The following SLC4A7 variants were observed in gnomAD, a reference collection of about 807,000 sequenced individuals.
SLC4A7 encodes the protein sodium bicarbonate cotransporter 3.
Under a neutral mutation model 137.6 loss-of-function variants are expected in SLC4A7, and 51 were observed. The observed-to-expected ratio is 0.37, with a 90% confidence interval of 0.30 to 0.47. SLC4A7 has a LOEUF of 0.47. Among genes scored for constraint, SLC4A7 ranks in the 20% least tolerant of loss-of-function variants. The pLI, the probability that SLC4A7 is intolerant of heterozygous loss-of-function variation, is 1.00. For synonymous variants in SLC4A7, 542 were observed against 518.6 expected, an observed-to-expected ratio of 1.05 and a Z score of -0.61; for missense variants, 1,247 against 1,525.4, an observed-to-expected ratio of 0.82 and a Z score of 3.04.
intron 1 of SLC4A7, among the ~76,000 whole-genome samples, chr3:27,479,008 G>GGAAAA (rs2059595499): frequency 6.9e-6 from 1 of 145,672 alleles, no homozygotes; most frequent in African/African-American, 2.6e-5. Context: ...CCTGTCTCAG[G>GGAAAA]AAAAAAAAAA....
At chr3:27,387,844 T>TC (rs1240078170) in intron 22 of SLC4A7, among the ~76,000 whole-genome samples, 3 of 152,106 alleles carry the variant, frequency 2.0e-5, no homozygotes, top group Non-Finnish European at 1.5e-5. Context: ...AAGGCAGGAT[T>TC]CCCCGCTGGA....
chr3:27,469,088 CAGAG>C (rs2059129112), intron 1 of SLC4A7, among the ~76,000 whole-genome samples: 2 of 151,330 alleles, frequency 1.3e-5, no homozygotes, highest in Non-Finnish European at 2.9e-5. Context: ...GCCTGGGCGA[CAGAG>C]GGAGACTGCG....
In SLC4A7 at chr3:27,383,196, C is replaced by T. The variant is rs758567416; in HGVS notation, c.3547G>A (p.Gly1183Arg). 6.2e-7 allele frequency: 1 copy of T among 1,613,396 alleles called. No individual in the cohort carries two copies. Among genetic ancestry groups the T allele is most frequent in the Admixed American group, 1.7e-5 (1 of 59,990 alleles). The change falls in exon 24 of 26, where the codon GGG becomes AGG. Residue 1183 changes from glycine to arginine, a missense_variant. By Grantham distance (125) the Gly-to-Arg change is moderately radical. Coordinates refer to ENST00000454389, the MANE Select transcript of SLC4A7 (RefSeq NM_001321103.2). ...DDDTVHLPFE[G>R]GSLLQIPVKA... ...ACTGGAATTTGCAAGAGACTTCCCC[C>T]TTCAAATGGAAGGTGCACAGTATCA... is the stretch of plus-strand genomic sequence containing the variant.
rs142590383 is a variant in SLC4A7, at chr3:27,423,991, C to G, written c.1266+46G>C. The G allele has an allele frequency of 4.0e-5, 45 of 1,131,818 alleles. No individual in the cohort carries two copies. In the East Asian group the frequency reaches 1.1e-3, roughly 27 times the overall value. 70.1% of individuals were successfully genotyped at this position (1,131,818 alleles called of 1,614,324 possible). A position where few individuals can be genotyped will look rare whatever the true frequency, so the allele number is the denominator to read the frequency against. Reference sequence around the variant, plus strand: ...TTAGCCACAAATTACTACTTATTTCCTCAGTAAGAATAATTATGAGAATTT... The same window carrying G: ...TTAGCCACAAATTACTACTTATTTCGTCAGTAAGAATAATTATGAGAATTT... On this transcript the variant is annotated intron_variant, in intron 8 of 25. Transcript: ENST00000454389.
intron 13 of SLC4A7, among the ~76,000 whole-genome samples, chr3:27,408,166 G>T (rs966774464): frequency 6.6e-6 from 1 of 152,096 alleles, no homozygotes; most frequent in Non-Finnish European, 1.5e-5. Context: ...GAATCCTTGA[G>T]GACAGGAGAT....
chr3:27,469,663 G>A (rs767749882), intron 1 of SLC4A7, among the ~76,000 whole-genome samples: 3 of 152,116 alleles, frequency 2.0e-5, no homozygotes, highest in Non-Finnish European at 4.4e-5. Flanking sequence ...TGAGGCAGGA[G>A]AATCACTTGA....
chr3:27,439,504 T>C (rs982449304), intron 3 of SLC4A7, among the ~76,000 whole-genome samples: 1 of 152,202 alleles, frequency 6.6e-6, no homozygotes, highest in African/African-American at 2.4e-5. Flanking sequence ...ATACTACTTT[T>C]AGTGCTACCA....
intron 22 of SLC4A7, among the ~76,000 whole-genome samples, chr3:27,389,561 T>A (rs1003436162): frequency 1.3e-5 from 2 of 152,170 alleles, no homozygotes; most frequent in Non-Finnish European, 2.9e-5. Flanking sequence ...AACTTCCACA[T>A]CTGTCAATTT....
intron 20 of SLC4A7, 77 bp from the exon 21 acceptor site, chr3:27,391,885 C>T (rs541426608): frequency 8.7e-6 from 7 of 805,536 alleles, no homozygotes; most frequent in South Asian, 7.1e-5. Flanking sequence ...AATTATAGGG[C>T]TAGAATTAAA....
intron 2 of SLC4A7, among the ~76,000 whole-genome samples, chr3:27,449,819 A>G (rs143844452): frequency 6.6e-6 from 1 of 152,346 alleles, no homozygotes; most frequent in African/African-American, 2.4e-5. Flanking sequence ...GCTGAAATAC[A>G]AATGATTAAT....
chr3:27,470,271 T>G (rs1432406478), intron 1 of SLC4A7, among the ~76,000 whole-genome samples: 2 of 152,120 alleles, frequency 1.3e-5, no homozygotes, highest in Non-Finnish European at 2.9e-5. Context: ...AGCAGTTGAT[T>G]TGAGTTTGAA....
At position 27,418,638 on chromosome 3, in the gene SLC4A7, T is replaced by C. The variant is rs370393987; in HGVS notation, c.1513-6A>G. The C allele has an allele frequency of 9.0e-6, 14 of 1,549,940 alleles. No homozygotes were observed. The African/African-American group carries it at 1.9e-4, about 21-fold the overall frequency. On this transcript the variant is annotated splice_polypyrimidine_tract_variant and splice_region_variant and intron_variant, in intron 10 of 25. Transcript: ENST00000454389. ...TAAGCTACATCATGGAAAATCTAAG[T>C]GAAAAAAATATTGAGTAAAAGATTT...
intron 1 of SLC4A7, among the ~76,000 whole-genome samples, chr3:27,461,065 G>A (rs748510733): frequency 2.0e-5 from 3 of 152,096 alleles, no homozygotes; most frequent in Admixed American, 6.6e-5. Flanking sequence ...CTTGTTACGC[G>A]AGCTGCAAGA....
chr3:27,460,524 T>C (rs552536477), intron 1 of SLC4A7, among the ~76,000 whole-genome samples: 8 of 152,346 alleles, frequency 5.3e-5, no homozygotes, highest in South Asian at 2.1e-4. Flanking sequence ...TCTGAATCAA[T>C]GTCACCAAAT....
intron 1 of SLC4A7, among the ~76,000 whole-genome samples, chr3:27,483,697 G>A (rs181020761): frequency 6.6e-6 from 1 of 152,176 alleles, no homozygotes; most frequent in Admixed American, 6.5e-5. Context: ...AACCGGAACC[G>A]GGACCCCGCC....
intron 24 of SLC4A7, among the ~76,000 whole-genome samples, chr3:27,381,649 A>C (rs2050426743): frequency 6.7e-6 from 1 of 148,574 alleles, no homozygotes; most frequent in Non-Finnish European, 1.5e-5. Flanking sequence ...CTCCTGTAAA[A>C]GCTATAAATA....
intron 14 of SLC4A7, among the ~76,000 whole-genome samples, chr3:27,404,571 A>G (rs2053143553): frequency 6.6e-6 from 1 of 152,212 alleles, no homozygotes; most frequent in Non-Finnish European, 1.5e-5. Context: ...AAGGATTTGT[A>G]TTTAGCCCTC....
intron 3 of SLC4A7, among the ~76,000 whole-genome samples, chr3:27,443,017 CTTTT>C (rs2057322217): frequency 8.1e-6 from 1 of 124,222 alleles, no homozygotes; most frequent in Non-Finnish European, 1.6e-5. Context: ...TGGGCATTCT[CTTTT>C]TTCTTTTTTT....
At chr3:27,405,120 A>G (rs45606939) in intron 13 of SLC4A7, among the ~76,000 whole-genome samples, 157 bp from the exon 14 acceptor site, 144 of 152,340 alleles carry the variant, frequency 9.5e-4, no homozygotes, top group Non-Finnish European at 1.8e-3. Flanking sequence ...ATAAAAAATT[A>G]CAAATACATT....
Sources: allele counts gnomAD v4.1 joint callset (sites outside exome capture counted in the v4.1 genomes callset), GRCh38; gene constraint gnomAD v4.1.1; transcripts MANE v1.5; gene names NCBI Gene and HGNC (gene_info 2026-07-23, HGNC 2026-07-21).